The following DTNB variants were observed in gnomAD, a reference collection of about 807,000 sequenced individuals.
DTNB encodes DTN-B.
A neutral mutation model predicts 90.7 loss-of-function variants in DTNB; 63 were observed. The ratio of observed to expected loss-of-function variants is 0.69; its 90% confidence interval spans 0.57 to 0.86. The LOEUF is 0.86. Among genes scored for constraint, DTNB ranks in the 40% least tolerant of loss-of-function variants. The pLI is 0.00. For synonymous variants in DTNB, 277 were observed against 286.7 expected (o/e 0.97, Z 0.34); for missense variants, 744 against 807.1 (o/e 0.92, Z 0.95).
intron 6 of DTNB, among the ~76,000 whole-genome samples, chr2:25,593,318 C>T (rs762744631): frequency 1.3e-5 from 2 of 152,250 alleles, no homozygotes; most frequent in Non-Finnish European, 1.5e-5. Flanking sequence ...TATCTGATGA[C>T]GTAAGAGCTG....
intron 19 of DTNB, among the ~76,000 whole-genome samples, chr2:25,381,471 C>T (rs2149495988): frequency 6.6e-6 from 1 of 152,274 alleles, no homozygotes; most frequent in Non-Finnish European, 1.5e-5. Flanking sequence ...CCTTAAACTC[C>T]TGGGCTCAAG....
intron 16 of DTNB, among the ~76,000 whole-genome samples, chr2:25,396,384 G>A (rs1424608356): frequency 6.6e-6 from 1 of 152,088 alleles, no homozygotes; most frequent in Non-Finnish European, 1.5e-5. Flanking sequence ...GGTGGTTCAT[G>A]TCTGTAATAC....
chr2:25,655,400 T>TG (rs1389848513), intron 1 of DTNB, among the ~76,000 whole-genome samples: 1 of 152,070 alleles, frequency 6.6e-6, no homozygotes, highest in Non-Finnish European at 1.5e-5. Context: ...AATAGGGAGG[T>TG]ACTGGCCTTC....
intron 10 of DTNB, among the ~76,000 whole-genome samples, chr2:25,462,773 G>A (rs1405918812): frequency 1.3e-5 from 2 of 151,294 alleles, no homozygotes; most frequent in Non-Finnish European, 2.9e-5. Context: ...GCGGGATCTC[G>A]GCTCACTGCA....
chr2:25,624,204 C>T (rs1295929501), intron 4 of DTNB, among the ~76,000 whole-genome samples: 1 of 152,184 alleles, frequency 6.6e-6, no homozygotes, highest in Non-Finnish European at 1.5e-5. Flanking sequence ...CAAGTTGTCC[C>T]ACCCTTCCAG....
chr2:25,451,847 C>G (rs1169282906), intron 11 of DTNB, among the ~76,000 whole-genome samples: 2 of 152,178 alleles, frequency 1.3e-5, no homozygotes, highest in Non-Finnish European at 2.9e-5. Context: ...CAGCACATCC[C>G]CGCTGCTCCT....
intron 6 of DTNB, among the ~76,000 whole-genome samples, chr2:25,582,699 G>A (rs1297344330): frequency 6.6e-6 from 1 of 152,094 alleles, no homozygotes; most frequent in Non-Finnish European, 1.5e-5. Context: ...GTCATTCAAA[G>A]GGCCTCTACA....
intron 1 of DTNB, among the ~76,000 whole-genome samples, chr2:25,654,109 A>T (rs2081590231): frequency 1.3e-5 from 2 of 152,194 alleles, no homozygotes; most frequent in Non-Finnish European, 2.9e-5. Context: ...AAATTACTTA[A>T]TCAAGGCTAC....
intron 16 of DTNB, among the ~76,000 whole-genome samples, chr2:25,406,420 A>G (rs2045190653): frequency 6.6e-6 from 1 of 151,922 alleles, no homozygotes. Flanking sequence ...CTGTAATTCC[A>G]GCTGCTTGGG....
chr2:25,585,369 C>T (rs901382169), intron 6 of DTNB, among the ~76,000 whole-genome samples: 9 of 152,182 alleles, frequency 5.9e-5, no homozygotes, highest in African/African-American at 2.2e-4. Flanking sequence ...TTATGCCTCC[C>T]TCTATAAAAC....
chr2:25,590,858 G>A lies in DTNB; in HGVS notation c.603+5228C>T, dbSNP rs143012401. On this transcript the variant is annotated intron_variant, in intron 6 of 20. Transcript: ENST00000406818. ...AGGTGGGGCTTCACCGGGGACCCAC[G>A]CCCTTCCACCCAGGGGCCTGTCTGC... 7.3e-3 allele frequency among the ~76,000 whole-genome samples: 1,109 copies of A among 152,298 alleles called. 13 individuals carry two copies. The highest frequency in any genetic ancestry group is 0.023 in the African/African-American group (962 of 41,556).
At chr2:25,449,403 T>G (rs918082498) in intron 12 of DTNB, among the ~76,000 whole-genome samples, 4 of 152,220 alleles carry the variant, frequency 2.6e-5, no homozygotes, top group African/African-American at 9.6e-5. Flanking sequence ...AACTGCCAAA[T>G]AGTTTTCCAA....
chr2:25,433,032 A>G, intron 13 of DTNB, 33 bp from the exon 14 acceptor site: 2 of 1,559,332 alleles, frequency 1.3e-6, no homozygotes, highest in Non-Finnish European at 1.7e-6. Flanking sequence ...AAGGGGCTGC[A>G]CAGTGCTTCT....
chr2:25,421,242 A>G (rs1424401093), intron 15 of DTNB: 2 of 152,156 alleles, frequency 1.3e-5, no homozygotes, highest in African/African-American at 4.8e-5. Context: ...ACACTTGGAG[A>G]ACATAATTTT....
At chr2:25,493,649 T>A (rs546916645) in intron 9 of DTNB, among the ~76,000 whole-genome samples, 3 of 152,338 alleles carry the variant, frequency 2.0e-5, no homozygotes, top group African/African-American at 4.8e-5. Flanking sequence ...GAAATTTCAA[T>A]AGCTCTAGAA....
chr2:25,454,712 G>A (rs1016100655), intron 11 of DTNB, among the ~76,000 whole-genome samples: 1 of 152,142 alleles, frequency 6.6e-6, no homozygotes, highest in Admixed American at 6.5e-5. Flanking sequence ...GTTATCAAAC[G>A]TTTTTCCATC....
chr2:25,610,761 GT>G (rs921564188), intron 4 of DTNB, among the ~76,000 whole-genome samples: 10 of 151,730 alleles, frequency 6.6e-5, no homozygotes, highest in African/African-American at 1.5e-4. Flanking sequence ...CCAGGCTGGA[GT>G]GCAGTGGTGT....
At chr2:25,442,438 T>C (rs1380891970) in intron 12 of DTNB, among the ~76,000 whole-genome samples, 1 of 152,164 alleles carries the variant, frequency 6.6e-6, no homozygotes, top group Admixed American at 6.5e-5. Flanking sequence ...CCAAGACCAA[T>C]TAAATTGATG....
At position 25,628,226 on chromosome 2, in the gene DTNB, T is replaced by C; in HGVS notation, c.307A>G (p.Ser103Gly). 6.2e-7 allele frequency: 1 copy of C among 1,613,548 alleles called. No individual in the cohort carries two copies. Among genetic ancestry groups the C allele is most frequent in the Non-Finnish European group, 8.5e-7 (1 of 1,179,870 alleles). The stretch of plus-strand genomic sequence containing the variant: ...AGGAGGCTGATAGATTGTTCCACAC[T>C]AATTTGGTGAGTAGAAGGAAGGCGC... The part of the protein sequence containing the change: ...NKRLPSTHQI[S>G]VEQSISLLLN... The change falls in exon 4 of 21, where the codon AGT becomes GGT. Residue 103 changes from serine (S) to glycine (G), a missense_variant. Transcript: ENST00000406818.
Sources: gnomAD v4.1 joint callset for allele counts (sites outside exome capture counted in the v4.1 genomes callset) on GRCh38, gnomAD v4.1.1 for gene constraint, MANE v1.5 for transcripts, NCBI Gene and HGNC (gene_info 2026-07-23, HGNC 2026-07-21) for gene names.